Variants in ROBO1 observed in about 807,000 individuals in gnomAD.
ROBO1 encodes the protein roundabout guidance receptor 1, also known as roundabout homolog 1.
Under a neutral mutation model 195.9 loss-of-function variants are expected in ROBO1, and 149 were observed. The ratio of observed to expected loss-of-function variants is 0.76; its 90% CI spans 0.67 to 0.87. The LOEUF (loss-of-function observed/expected upper bound fraction) is 0.87, where lower values mean the gene tolerates loss of function less well. Ranked by LOEUF, ROBO1 falls within the 40% of genes least tolerant of loss-of-function variation. The probability of loss-of-function intolerance (pLI) is 0.00; values close to 1 mark genes in which losing one functional copy is unlikely to be tolerated. For missense variants in ROBO1, 1,933 were observed against 2,068.3 expected (o/e 0.93, Z 1.27); for synonymous variants, 816 against 733.2 (o/e 1.11, Z -1.82).
chr3:79,243,203 T>C (rs949064732), intron 2 of ROBO1, among the ~76,000 whole-genome samples: 14 of 152,092 alleles, frequency 9.2e-5, no homozygotes, highest in South Asian at 2.1e-4. Flanking sequence ...ATGGTGTATA[T>C]GTGCCACATT....
At chr3:78,859,676 G>A (rs1039806284) in intron 4 of ROBO1, among the ~76,000 whole-genome samples, 2 of 152,136 alleles carry the variant, frequency 1.3e-5, no homozygotes, top group Admixed American at 6.5e-5. Flanking sequence ...CAATAAACAA[G>A]CTATTAAAGT....
rs534314425 is a variant in ROBO1, at chr3:78,755,022, T to C, written c.500-8122A>G. Among the ~76,000 whole-genome samples the C allele has an allele frequency of 3.8e-4, 58 of 152,300 alleles. 1 individual carries two copies. Among genetic ancestry groups the C allele is most frequent in the African/African-American group, 1.3e-3 (56 of 41,568 alleles). On this transcript the variant is annotated intron_variant, in intron 4 of 30. Transcript: ENST00000464233. ...TTGGTAGGGACGACAGGGACCAGAT[T>C]TGCTATGCACAGCAGCCATGAGCAA...
intron 2 of ROBO1, among the ~76,000 whole-genome samples, chr3:79,149,305 G>C (rs568853999): frequency 6.6e-6 from 1 of 151,786 alleles, no homozygotes; most frequent in African/African-American, 2.4e-5. Flanking sequence ...TTTTAAATTT[G>C]ATATTTGCAT....
intron 1 of ROBO1, among the ~76,000 whole-genome samples, chr3:79,740,266 C>T (rs1444298688): frequency 1.4e-5 from 2 of 147,234 alleles, no homozygotes; most frequent in East Asian, 3.9e-4. Context: ...GAACTGCATA[C>T]TCTAGTGAGT....
At chr3:79,148,463 T>C (rs752337113) in intron 2 of ROBO1, among the ~76,000 whole-genome samples, 2 of 151,716 alleles carry the variant, frequency 1.3e-5, no homozygotes, top group Non-Finnish European at 2.9e-5. Context: ...ATGAAAAAAG[T>C]ACTAGCAGTA....
intron 2 of ROBO1, among the ~76,000 whole-genome samples, chr3:79,546,202 G>A (rs1214627284): frequency 2.0e-5 from 3 of 151,580 alleles, no homozygotes; most frequent in Non-Finnish European, 4.4e-5. Flanking sequence ...CTTTCCTCTA[G>A]CTTACGTTAT....
At chr3:79,730,812 C>G (rs376260715) in intron 1 of ROBO1, among the ~76,000 whole-genome samples, 1 of 112,756 alleles carries the variant, frequency 8.9e-6, no homozygotes, top group East Asian at 2.9e-4. Context: ...GAGTCTTGCT[C>G]TGTTGCCCAG....
chr3:79,416,447 A>G (rs976109972), intron 2 of ROBO1, among the ~76,000 whole-genome samples: 3 of 151,310 alleles, frequency 2.0e-5, no homozygotes, highest in African/African-American at 7.3e-5. Flanking sequence ...CTAAAAAAAA[A>G]AAAAGAAACA....
intron 2 of ROBO1, among the ~76,000 whole-genome samples, chr3:79,302,036 G>C (rs978891278): frequency 6.6e-6 from 1 of 152,112 alleles, no homozygotes; most frequent in Admixed American, 6.5e-5. Flanking sequence ...CAGAAGATAA[G>C]TAAAACGGTA....
At chr3:79,073,195 T>C (rs1412716331) in intron 3 of ROBO1, among the ~76,000 whole-genome samples, 1 of 152,024 alleles carries the variant, frequency 6.6e-6, no homozygotes, top group East Asian at 1.9e-4. Flanking sequence ...GGTTTTAAAA[T>C]ACATTTAAAC....
chr3:79,709,240 T>A (rs1406623061), intron 1 of ROBO1, among the ~76,000 whole-genome samples: 1 of 152,174 alleles, frequency 6.6e-6, no homozygotes, highest in African/African-American at 2.4e-5. Flanking sequence ...TCCAAGATCT[T>A]AATTTGTTCT....
chr3:79,409,392 T>G (rs908005345), intron 2 of ROBO1, among the ~76,000 whole-genome samples: 2 of 152,164 alleles, frequency 1.3e-5, no homozygotes, highest in African/African-American at 4.8e-5. Context: ...GTTTTTTACT[T>G]TGGCTTTTAT....
Position 78,690,584 on chromosome 3 carries a change from C to T in ROBO1, c.1046-1812G>A, listed in dbSNP as rs116518810. The stretch of plus-strand genomic sequence containing the variant: ...GATTTTCCTCCAGTACAAATCCATA[C>T]AGGAGCATTCTATTCCTTAATTAAA... On this transcript the variant is annotated intron_variant, in intron 8 of 30. Coordinates refer to ENST00000464233, the MANE Select transcript of ROBO1 (RefSeq NM_002941.4). 6.7e-3 allele frequency among the ~76,000 whole-genome samples: 1,014 copies of T among 152,104 alleles called. 9 individuals carry two copies. Among genetic ancestry groups the T allele is most frequent in the African/African-American group, 0.023 (958 of 41,528 alleles).
chr3:78,618,132 T>C, intron 26 of ROBO1, 91 bp from the exon 27 acceptor site: 3 of 1,354,460 alleles, frequency 2.2e-6, no homozygotes, highest in South Asian at 3.0e-5. Context: ...GCATGCAGAT[T>C]TGACCTTTAC....
intron 2 of ROBO1, among the ~76,000 whole-genome samples, chr3:79,559,640 T>C (rs1415233284): frequency 1.3e-5 from 2 of 152,154 alleles, no homozygotes; most frequent in African/African-American, 4.8e-5. Flanking sequence ...ATTTGCTGGC[T>C]GGGTGCGGTG....
At chr3:78,633,380 A>T (rs1705296537) in intron 24 of ROBO1, among the ~76,000 whole-genome samples, 1 of 152,186 alleles carries the variant, frequency 6.6e-6, no homozygotes, top group Non-Finnish European at 1.5e-5. Context: ...AGAGGCCTCA[A>T]TGTGGCTTTG....
At chr3:79,019,898 A>G (rs1292301544) in intron 3 of ROBO1, among the ~76,000 whole-genome samples, 1 of 152,170 alleles carries the variant, frequency 6.6e-6, no homozygotes, top group Non-Finnish European at 1.5e-5. Flanking sequence ...TGGCTTTAGG[A>G]CAGGAGGTAA....
intron 3 of ROBO1, among the ~76,000 whole-genome samples, chr3:79,025,453 T>A (rs2078185793): frequency 6.6e-6 from 1 of 152,180 alleles, no homozygotes; most frequent in South Asian, 2.1e-4. Flanking sequence ...TTTTGTTTAC[T>A]TTTTTAGTCC....
intron 1 of ROBO1, among the ~76,000 whole-genome samples, chr3:79,620,437 T>G (rs35213031): frequency 0.28 from 42,040 of 151,984 alleles, 6,849 homozygotes; most frequent in African/African-American, 0.46. Flanking sequence ...CCCCTTTCCC[T>G]TGCCTCCATA....
Sources: allele counts gnomAD v4.1 joint callset (sites outside exome capture counted in the v4.1 genomes callset), GRCh38; gene constraint gnomAD v4.1.1; transcripts MANE v1.5; gene names NCBI Gene and HGNC (gene_info 2026-07-23, HGNC 2026-07-21).